The following PARD6A variants were observed in gnomAD, a reference collection of about 807,000 sequenced individuals.
PARD6A encodes the protein par-6 family cell polarity regulator alpha.
Under a neutral mutation model 21.3 loss-of-function variants are expected in PARD6A, and 20 were observed. The observed-to-expected ratio is 0.94, with a 90% confidence interval of 0.66 to 1.36. The LOEUF (loss-of-function observed/expected upper bound fraction) is 1.36. PARD6A is among the 40% of genes most tolerant of loss of function. The pLI is 0.00. For synonymous variants in PARD6A, 214 were observed against 204.8 expected, an observed-to-expected ratio of 1.04 and a Z score of -0.38; for missense variants, 411 against 482.0, an observed-to-expected ratio of 0.85 and a Z score of 1.38.
At position 67,661,573 on chromosome 16, in the gene PARD6A, A is replaced by G. The variant is rs1207879195; in HGVS notation, c.182A>G (p.Tyr61Cys). The G allele has an allele frequency of 6.2e-7, 1 of 1,610,454 alleles. No homozygotes were observed. Among genetic ancestry groups the G allele is most frequent in the East Asian group, 2.2e-5 (1 of 44,848 alleles). Residue 61 changes from tyrosine (Y) to cysteine (C), a missense_variant, in exon 2 of 3, where the codon TAT (tyrosine) becomes TGT (cysteine). Physicochemically the swap from Tyr to Cys is radical, Grantham distance 194. Transcript: ENST00000458121. The surrounding 1 kb of genome is among the most constrained non-coding windows in gnomAD (Gnocchi z 7.0). ...QIPGLDVLLG[Y>C]TDAHGDLLPL... ...CCGGGCCTGGACGTGCTACTTGGCTATACGGATGCTCATGGCGACCTGCTG... is the reference window on the plus strand; with the variant it reads ...CCGGGCCTGGACGTGCTACTTGGCTGTACGGATGCTCATGGCGACCTGCTG...
At position 67,661,565 on chromosome 16, in the gene PARD6A, A is replaced by C; in HGVS notation, c.174A>C (p.Leu58=). The C allele has an allele frequency of 6.2e-7, 1 of 1,610,334 alleles. No homozygotes were observed. The highest frequency in any genetic ancestry group is 8.5e-7 in the Non-Finnish European group (1 of 1,179,926). Residue 58 remains leucine, a synonymous_variant, in exon 2 of 3, where the codon CTA becomes CTC. Transcript: ENST00000458121. The surrounding 1 kb of genome is among the most constrained non-coding windows in gnomAD (Gnocchi z 7.0). ...ACCAGATCCCGGGCCTGGACGTGCT[A>C]CTTGGCTATACGGATGCTCATGGCG... ...AVHQIPGLDV[L]LGYTDAHGDL...
chr16:67,661,869 C>G lies in PARD6A; in HGVS notation c.287-27C>G. The G allele has an allele frequency of 4.5e-6, 7 of 1,553,986 alleles. No homozygotes were observed. In the South Asian group the frequency reaches 4.8e-5, roughly 11 times the overall value. Reference sequence around the variant, plus strand: ...CCAAGTCGGGGAGCAGGTCTCTGATCTCAACATCCCCCCTCTTCTGCAGCA... The same window carrying G: ...CCAAGTCGGGGAGCAGGTCTCTGATGTCAACATCCCCCCTCTTCTGCAGCA... On this transcript the variant is annotated intron_variant, in intron 2 of 2. Transcript: ENST00000458121. This position sits in a 1 kb window ranked among gnomAD's most constrained non-coding sequence, Gnocchi z 7.0.
At position 67,661,643 on chromosome 16, in the gene PARD6A, G is replaced by A; in HGVS notation, c.252G>A (p.Gly84=). The A allele has an allele frequency of 6.5e-7, 1 of 1,536,558 alleles. No individual in the cohort carries two copies. Among genetic ancestry groups the A allele is most frequent in the Admixed American group, 1.9e-5 (1 of 52,462 alleles). Residue 84 remains glycine (G), a synonymous_variant, in exon 2 of 3, where the codon GGG becomes GGA. Coordinates refer to ENST00000458121, the MANE Select transcript of PARD6A (RefSeq NM_001037281.2). This position sits in a 1 kb window ranked among gnomAD's most constrained non-coding sequence, Gnocchi z 7.0. Reference sequence around the variant, plus strand: ...GCCTGCACCGGGCCCTGGCCAGCGGGCCCCCGCCACTGCGCCTACTGGTGC... The same window carrying A: ...GCCTGCACCGGGCCCTGGCCAGCGGACCCCCGCCACTGCGCCTACTGGTGC... ...DDSLHRALAS[G]PPPLRLLVQK...
chr16:67,661,854 G>A lies in PARD6A; in HGVS notation c.287-42G>A, dbSNP rs1210239810. 4 of 1,543,836 alleles carry A rather than the reference G, an allele frequency of 2.6e-6. No homozygotes were observed. Among genetic ancestry groups the A allele is most frequent in the Admixed American group, 3.9e-5 (2 of 51,934 alleles). On this transcript the variant is annotated intron_variant, in intron 2 of 2. Coordinates refer to ENST00000458121, the MANE Select transcript of PARD6A (RefSeq NM_001037281.2). The surrounding 1 kb of genome is among the most constrained non-coding windows in gnomAD (Gnocchi z 7.0). ...CCCCCTGTAAACAGCCCAAGTCGGG[G>A]AGCAGGTCTCTGATCTCAACATCCC...
Position 67,662,746 on chromosome 16 carries a change from G to A in PARD6A, c.*99G>A, listed in dbSNP as rs1278028845. The A allele has an allele frequency of 8.7e-7, 1 of 1,153,992 alleles. No homozygotes were observed. The highest frequency in any genetic ancestry group is 1.2e-6 in the Non-Finnish European group (1 of 841,512). The allele number at this position is 1,153,992 out of a possible 1,614,324, so 71.5% of individuals were successfully genotyped here. A position where few individuals can be genotyped will look rare whatever the true frequency, so the allele number is the denominator to read the frequency against. On this transcript the variant is annotated 3_prime_UTR_variant, in exon 3 of 3. Transcript: ENST00000458121. This position sits in a 1 kb window ranked among gnomAD's most constrained non-coding sequence, Gnocchi z 6.9. The stretch of plus-strand genomic sequence containing the variant: ...TGGCTCACAGGGCTCCCTCAGCCTG[G>A]GGAACATTAAAGGTTTTCTACAAAT...
At position 67,661,657 on chromosome 16, in the gene PARD6A, G is replaced by T; in HGVS notation, c.266G>T (p.Arg89Leu). The change falls in exon 2 of 3, where the codon CGC (arginine) becomes CTC (leucine). Residue 89 changes from arginine (R) to leucine (L), a missense_variant. Coordinates refer to ENST00000458121, the MANE Select transcript of PARD6A (RefSeq NM_001037281.2). The surrounding 1 kb of genome is among the most constrained non-coding windows in gnomAD (Gnocchi z 7.0). ...CTGGCCAGCGGGCCCCCGCCACTGC[G>T]CCTACTGGTGCAGAAGCGGGGTGAG... ...RALASGPPPL[R>L]LLVQKREADS... 1 of 1,608,660 alleles carries T rather than the reference G, an allele frequency of 6.2e-7. No homozygotes were observed.
At position 67,662,094 on chromosome 16, in the gene PARD6A, A is replaced by G. The variant is rs773378464; in HGVS notation, c.485A>G (p.His162Arg). 6.2e-7 allele frequency: 1 copy of G among 1,613,772 alleles called. No homozygotes were observed. Among genetic ancestry groups the G allele is most frequent in the Non-Finnish European group, 8.5e-7 (1 of 1,179,984 alleles). ...CACCGACGGGTGCGGCTGCACAAGCATGGTTCAGACCGCCCCCTGGGCTTC... is the reference window on the plus strand; with the variant it reads ...CACCGACGGGTGCGGCTGCACAAGCGTGGTTCAGACCGCCCCCTGGGCTTC... Reference protein sequence around the residue: ...ETHRRVRLHKHGSDRPLGFYI... With the variant: ...ETHRRVRLHKRGSDRPLGFYI... Residue 162 changes from histidine (H) to arginine (R), a missense_variant, in exon 3 of 3, where the codon CAT becomes CGT. Transcript: ENST00000458121. The surrounding 1 kb of genome is among the most constrained non-coding windows in gnomAD (Gnocchi z 6.9).
chr16:67,661,164 T>C lies in PARD6A; in HGVS notation c.63+63T>C. Reference sequence around the variant, plus strand: ...ATTCCCTCTTTCTCCCCTTCCCAGCTCCTTGGTCCCCGCCACCTCTTCCCT... The same window carrying C: ...ATTCCCTCTTTCTCCCCTTCCCAGCCCCTTGGTCCCCGCCACCTCTTCCCT... On this transcript the variant is annotated intron_variant, in intron 1 of 2. Coordinates refer to ENST00000458121, the MANE Select transcript of PARD6A (RefSeq NM_001037281.2). This position sits in a 1 kb window ranked among gnomAD's most constrained non-coding sequence, Gnocchi z 7.0. 2 of 1,381,268 alleles carry C rather than the reference T, an allele frequency of 1.4e-6. No individual in the cohort carries two copies. Among genetic ancestry groups the C allele is most frequent in the Non-Finnish European group, 2.1e-6 (2 of 970,458 alleles). 85.6% of individuals were successfully genotyped at this position (1,381,268 alleles called of 1,614,324 possible). A position where few individuals can be genotyped will look rare whatever the true frequency, so the allele number is the denominator to read the frequency against.
rs1315433717 is a variant in PARD6A, at chr16:67,661,880, C to T, written c.287-16C>T. On this transcript the variant is annotated splice_polypyrimidine_tract_variant and intron_variant, in intron 2 of 2. Transcript: ENST00000458121. This position sits in a 1 kb window ranked among gnomAD's most constrained non-coding sequence, Gnocchi z 7.0. ...AGCAGGTCTCTGATCTCAACATCCC[C>T]CCTCTTCTGCAGCAGAAGCTGACTC... is the stretch of plus-strand genomic sequence containing the variant. The T allele has an allele frequency of 3.8e-6, 6 of 1,567,980 alleles. No individual in the cohort carries two copies. Among genetic ancestry groups the T allele is most frequent in the Non-Finnish European group, 5.2e-6 (6 of 1,162,110 alleles).
Position 67,661,623 on chromosome 16 carries a change from C to T in PARD6A, c.232C>T (p.His78Tyr), listed in dbSNP as rs1567644467. 2 of 1,607,754 alleles carry T rather than the reference C, an allele frequency of 1.2e-6. No homozygotes were observed. Among genetic ancestry groups the T allele is most frequent in the Non-Finnish European group, 8.5e-7 (1 of 1,179,884 alleles). The change falls in exon 2 of 3, where the codon CAC becomes TAC. Residue 78 changes from histidine to tyrosine, a missense_variant. Transcript: ENST00000458121. This position sits in a 1 kb window ranked among gnomAD's most constrained non-coding sequence, Gnocchi z 7.0. ...LLPLTNDDSL[H>Y]RALASGPPPL... Reference sequence around the variant, plus strand: ...GCCCCTCACCAACGACGACAGCCTGCACCGGGCCCTGGCCAGCGGGCCCCC... The same window carrying T: ...GCCCCTCACCAACGACGACAGCCTGTACCGGGCCCTGGCCAGCGGGCCCCC...
In PARD6A at chr16:67,661,727, G is replaced by C; in HGVS notation, c.286+50G>C. On this transcript the variant is annotated intron_variant, in intron 2 of 2. Transcript: ENST00000458121. The surrounding 1 kb of genome is among the most constrained non-coding windows in gnomAD (Gnocchi z 7.0). ...CTCTGTGGGGTAAGGTGTCTGTGGG[G>C]CAGGTCTACAAGGGTTAGTCCATGC... 1.3e-6 allele frequency: 2 copies of C among 1,589,336 alleles called. No homozygotes were observed. The highest frequency in any genetic ancestry group is 1.1e-5 in the South Asian group (1 of 89,492).
rs138202882 is a variant in PARD6A at position 67,662,616 on chromosome 16, T to A, written c.1007T>A (p.Ile336Asn). The A allele has an allele frequency of 4.4e-6, 7 of 1,596,780 alleles. No homozygotes were observed. The highest frequency in any genetic ancestry group is 1.7e-4 in the Middle Eastern group (1 of 6,014). Reference sequence around the variant, plus strand: ...GCCAGTTCTGGCTGGGGGAGTCGCATTCGAGGAGATGGTAGTGGCTTCAGC... The same window carrying A: ...GCCAGTTCTGGCTGGGGGAGTCGCAATCGAGGAGATGGTAGTGGCTTCAGC... The part of the protein sequence containing the change: ...EQASSGWGSR[I>N]RGDGSGFSL The change falls in exon 3 of 3, where the codon ATT (isoleucine) becomes AAT (asparagine). Residue 336 changes from isoleucine (I) to asparagine (N), a missense_variant. Transcript: ENST00000458121. The surrounding 1 kb of genome is among the most constrained non-coding windows in gnomAD (Gnocchi z 6.9).
chr16:67,661,339 TG>T lies in PARD6A; in HGVS notation c.64-113del. 2 of 1,405,410 alleles carry T rather than the reference TG, an allele frequency of 1.4e-6. No homozygotes were observed. Among genetic ancestry groups the T allele is most frequent in the Non-Finnish European group, 1.9e-6 (2 of 1,054,662 alleles). The allele number at this position is 1,405,410 out of a possible 1,614,324, so 87.1% of individuals were successfully genotyped here. A position where few individuals can be genotyped will look rare whatever the true frequency, so the allele number is the denominator to read the frequency against. On this transcript the variant is annotated intron_variant, in intron 1 of 2. Transcript: ENST00000458121. This position sits in a 1 kb window ranked among gnomAD's most constrained non-coding sequence, Gnocchi z 7.0. ...CGTCCCTGGTACTGGAGCTGAGGTC[TG>T]GGCTTAAGGCTGCCGCAAAAGCGGC...
rs1176190515 is a variant in PARD6A, at chr16:67,661,716, G to T, written c.286+39G>T. 6.3e-7 allele frequency: 1 copy of T among 1,595,222 alleles called. No individual in the cohort carries two copies. The highest frequency in any genetic ancestry group is 1.3e-5 in the African/African-American group (1 of 74,850). ...CAGTGGGCAGCCTCTGTGGGGTAAG[G>T]TGTCTGTGGGGCAGGTCTACAAGGG... is the stretch of plus-strand genomic sequence containing the variant. On this transcript the variant is annotated intron_variant, in intron 2 of 2. Coordinates refer to ENST00000458121, the MANE Select transcript of PARD6A (RefSeq NM_001037281.2). This position sits in a 1 kb window ranked among gnomAD's most constrained non-coding sequence, Gnocchi z 7.0.
chr16:67,662,332 CATT>C lies in PARD6A; in HGVS notation c.724_726del (p.Ile242del). The C allele has an allele frequency of 6.2e-7, 1 of 1,614,128 alleles. No homozygotes were observed. Among genetic ancestry groups the C allele is most frequent in the Non-Finnish European group, 8.5e-7 (1 of 1,180,034 alleles). On this transcript the variant is annotated inframe_deletion, in exon 3 of 3. Coordinates refer to ENST00000458121, the MANE Select transcript of PARD6A (RefSeq NM_001037281.2). The surrounding 1 kb of genome is among the most constrained non-coding windows in gnomAD (Gnocchi z 6.9). The stretch of plus-strand genomic sequence containing the variant: ...TGATGGTTGCCAACAGCCATAACCT[CATT>C]GTCACTGTCAAGCCCGCCAACCAGC...
chr16:67,662,297 G>A lies in PARD6A; in HGVS notation c.688G>A (p.Val230Met). ...AGTAGCCGGGAAGACCTTGGACCAA[G>A]TGACGGACATGATGGTTGCCAACAG... is the stretch of plus-strand genomic sequence containing the variant. ...IEVAGKTLDQ[V>M]TDMMVANSHN... The change falls in exon 3 of 3, where the codon GTG becomes ATG. Residue 230 changes from valine (V) to methionine (M), a missense_variant. Transcript: ENST00000458121. This position sits in a 1 kb window ranked among gnomAD's most constrained non-coding sequence, Gnocchi z 6.9. The A allele has an allele frequency of 1.2e-6, 2 of 1,614,126 alleles. No individual in the cohort carries two copies. Among genetic ancestry groups the A allele is most frequent in the Non-Finnish European group, 8.5e-7 (1 of 1,180,034 alleles).
rs746721657 is a variant in PARD6A at position 67,661,007 on chromosome 16, G to A, written c.-32G>A. On this transcript the variant is annotated 5_prime_UTR_variant, in exon 1 of 3. Coordinates refer to ENST00000458121, the MANE Select transcript of PARD6A (RefSeq NM_001037281.2). This position sits in a 1 kb window ranked among gnomAD's most constrained non-coding sequence, Gnocchi z 7.0. Reference sequence around the variant, plus strand: ...GCACCTGCGCCTCGGCGGGCCGCCTGGGGCACCGTCCCCGGCCCGCCCGGC... The same window carrying A: ...GCACCTGCGCCTCGGCGGGCCGCCTAGGGCACCGTCCCCGGCCCGCCCGGC... 12 of 1,289,492 alleles carry A rather than the reference G, an allele frequency of 9.3e-6. No individual in the cohort carries two copies. The African/African-American group carries it at 1.9e-4, about 20-fold the overall frequency. The allele number at this position is 1,289,492 out of a possible 1,614,324, so 79.9% of individuals were successfully genotyped here. A position where few individuals can be genotyped will look rare whatever the true frequency, so the allele number is the denominator to read the frequency against.
rs771489203 is a variant in PARD6A at position 67,661,876 on chromosome 16, T to TC, written c.287-14dup. 2.6e-6 allele frequency: 4 copies of TC among 1,560,790 alleles called. No individual in the cohort carries two copies. Among genetic ancestry groups the TC allele is most frequent in the Non-Finnish European group, 3.5e-6 (4 of 1,159,342 alleles). On this transcript the variant is annotated intron_variant, in intron 2 of 2. Transcript: ENST00000458121. This position sits in a 1 kb window ranked among gnomAD's most constrained non-coding sequence, Gnocchi z 7.0. ...GGGGAGCAGGTCTCTGATCTCAACA[T>TC]CCCCCCTCTTCTGCAGCAGAAGCTG...
chr16:67,661,292 G>A lies in PARD6A; in HGVS notation c.64-163G>A. 9.4e-7 allele frequency: 1 copy of A among 1,066,862 alleles called. No homozygotes were observed. The highest frequency in any genetic ancestry group is 1.3e-6 in the Non-Finnish European group (1 of 747,466). The allele number at this position is 1,066,862 out of a possible 1,614,324, so 66.1% of individuals were successfully genotyped here. On this transcript the variant is annotated intron_variant, in intron 1 of 2. Transcript: ENST00000458121. This position sits in a 1 kb window ranked among gnomAD's most constrained non-coding sequence, Gnocchi z 7.0. ...TCTCTGTGGCCTGAGTACCTGGAGG[G>A]CGGTAAGAAGACCTTGGACAGCGTC...
Sources: gnomAD v4.1 joint callset for allele counts on GRCh38, gnomAD v4.1.1 for gene constraint, Gnocchi (gnomAD v3.1) non-coding constraint, MANE v1.5 for transcripts, NCBI Gene and HGNC (gene_info 2026-07-23, HGNC 2026-07-21) for gene names.